GPR107: variants seen among roughly 807,000 people sequenced by gnomAD.
The protein encoded by GPR107 is G protein-coupled receptor 107.
A neutral mutation model predicts 75.5 loss-of-function variants in GPR107; 31 were observed. The observed-to-expected ratio is 0.41, with a 90% CI of 0.31 to 0.55. The LOEUF is 0.55. Among genes scored for constraint, GPR107 ranks in the 20% least tolerant of loss-of-function variants. The pLI is 0.26. For synonymous variants in GPR107, 267 were observed against 251.3 expected (o/e 1.06, Z -0.59); for missense variants, 572 against 665.7 (o/e 0.86, Z 1.55).
chr9:130,102,234 C>T (rs139498189), intron 12 of GPR107, among the ~76,000 whole-genome samples: 7 of 152,232 alleles, frequency 4.6e-5, no homozygotes, highest in African/African-American at 9.6e-5. Flanking sequence ...GGGACTGTGC[C>T]GGTCTTTCGG....
chr9:130,056,786 G>A (rs1471930890), intron 1 of GPR107, among the ~76,000 whole-genome samples: 2 of 151,632 alleles, frequency 1.3e-5, no homozygotes, highest in African/African-American at 2.4e-5. Flanking sequence ...TTAGCCAGGC[G>A]TGGTGGCAGG....
chr9:130,119,344 G>A (rs1027081107), intron 14 of GPR107, among the ~76,000 whole-genome samples: 5 of 152,276 alleles, frequency 3.3e-5, no homozygotes, highest in Middle Eastern at 3.4e-3. Flanking sequence ...GGTGGCAGCC[G>A]CTGTGACACA....
chr9:130,119,408 G>A (rs960349214), intron 14 of GPR107, among the ~76,000 whole-genome samples: 3 of 152,196 alleles, frequency 2.0e-5, no homozygotes, highest in Admixed American at 2.0e-4. Flanking sequence ...ACACTGTCAT[G>A]GCAAGTAGCC....
chr9:130,062,620 G>A (rs1173904357), intron 1 of GPR107, among the ~76,000 whole-genome samples: 1 of 58,626 alleles, frequency 1.7e-5, no homozygotes, highest in Admixed American at 2.0e-4. Context: ...CTGCCTGCCT[G>A]CCTTCCTGCC....
chr9:130,120,417 C>T (rs965814683), intron 14 of GPR107, among the ~76,000 whole-genome samples: 2 of 152,164 alleles, frequency 1.3e-5, no homozygotes, highest in East Asian at 3.9e-4. Context: ...CACCCCACCC[C>T]GGTCCTTACT....
chr9:130,098,663 A>C (rs893210526), intron 9 of GPR107, among the ~76,000 whole-genome samples: 4 of 152,126 alleles, frequency 2.6e-5, no homozygotes, highest in Non-Finnish European at 4.4e-5. Context: ...TGTGTATTAG[A>C]GATTACTTTA....
In GPR107 at chr9:130,131,821, C is replaced by T. The variant is rs372399741; in HGVS notation, c.1562+3060C>T. 2.8e-3 allele frequency among the ~76,000 whole-genome samples: 420 copies of T among 152,252 alleles called. 6 individuals are homozygous for T. The highest frequency in any genetic ancestry group is 9.7e-3 in the African/African-American group (402 of 41,528). On this transcript the variant is annotated intron_variant, in intron 17 of 17. Coordinates refer to ENST00000347136, the MANE Select transcript of GPR107 (RefSeq NM_020960.5). Reference sequence around the variant, plus strand: ...CCCCAGCCCCACCCCGCCTCTTGCTCTCGTGCCTGGGCTTTGTGGTGGCTG... The same window carrying T: ...CCCCAGCCCCACCCCGCCTCTTGCTTTCGTGCCTGGGCTTTGTGGTGGCTG...
intron 14 of GPR107, among the ~76,000 whole-genome samples, chr9:130,115,754 C>T (rs1337326056): frequency 7.8e-6 from 1 of 128,620 alleles, no homozygotes; most frequent in Non-Finnish European, 1.6e-5. Flanking sequence ...CAGAGCAAGA[C>T]TCCGTCTCAA....
intron 1 of GPR107, among the ~76,000 whole-genome samples, chr9:130,057,816 T>C (rs1020518844): frequency 6.8e-6 from 1 of 146,800 alleles, no homozygotes; most frequent in Non-Finnish European, 1.5e-5. Flanking sequence ...TCCTTGCCTT[T>C]TTATTTATTT....
intron 1 of GPR107, among the ~76,000 whole-genome samples, chr9:130,055,699 CTT>C (rs1829766995): frequency 6.6e-6 from 1 of 152,080 alleles, no homozygotes; most frequent in Non-Finnish European, 1.5e-5. Flanking sequence ...AATCCTAGCA[CTT>C]TGGGAGGCCG....
rs1348057025 is a variant in GPR107, at chr9:130,100,659, T to C, written c.970T>C (p.Phe324Leu). Residue 324 changes from phenylalanine (F) to leucine (L), a missense_variant, in exon 11 of 18, where the codon TTC becomes CTC. Transcript: ENST00000347136. The part of the protein sequence containing the change: ...IDYHYISSQG[F>L]PIEGWAVVYY... ...CTACCACTACATCTCCTCCCAGGGC[T>C]TCCCTATCGAAGGCTGGGCTGTTGT... is the stretch of plus-strand genomic sequence containing the variant. 1 of 1,613,360 alleles carries C rather than the reference T, an allele frequency of 6.2e-7. No individual in the cohort carries two copies. The highest frequency in any genetic ancestry group is 8.5e-7 in the Non-Finnish European group (1 of 1,179,226).
intron 4 of GPR107, among the ~76,000 whole-genome samples, chr9:130,078,042 G>A (rs1357198962): frequency 1.3e-5 from 2 of 152,046 alleles, no homozygotes; most frequent in African/African-American, 2.4e-5. Flanking sequence ...GTGGGCGCCT[G>A]TAGTCCCAGC....
Position 130,104,403 on chromosome 9 carries a change from A to C in GPR107, c.1132-17A>C, listed in dbSNP as rs777669040. 1 of 1,613,344 alleles carries C rather than the reference A, an allele frequency of 6.2e-7. No homozygotes were observed. The highest frequency in any genetic ancestry group is 1.1e-5 in the South Asian group (1 of 91,058). ...CCACCCATGCTTTGGGGCCTCAGCA[A>C]CTTCTCATGTCTGTAGGTCCTGGCA... is the stretch of plus-strand genomic sequence containing the variant. On this transcript the variant is annotated splice_polypyrimidine_tract_variant and intron_variant, in intron 12 of 17. Coordinates refer to ENST00000347136, the MANE Select transcript of GPR107 (RefSeq NM_020960.5).
intron 1 of GPR107, among the ~76,000 whole-genome samples, chr9:130,073,035 C>T (rs751904149): frequency 2.0e-5 from 3 of 152,194 alleles, no homozygotes; most frequent in Non-Finnish European, 2.9e-5. Flanking sequence ...TCCAGAAGCA[C>T]CCTAAGCCTC....
intron 15 of GPR107, 93 bp downstream of exon 15, chr9:130,125,057 G>T: frequency 2.1e-6 from 1 of 484,762 alleles, no homozygotes; most frequent in East Asian, 4.4e-5. Context: ...GAAAGCACAA[G>T]ATGTGCCACC....
At chr9:130,065,600 T>C (rs1046122826) in intron 1 of GPR107, among the ~76,000 whole-genome samples, 3 of 151,180 alleles carry the variant, frequency 2.0e-5, no homozygotes, top group African/African-American at 4.9e-5. Flanking sequence ...ACCCCATCTC[T>C]ACCAAAAAAT....
chr9:130,139,258 C>T lies in GPR107; in HGVS notation c.*4137C>T, dbSNP rs1832035378. The stretch of plus-strand genomic sequence containing the variant: ...TTGGTATATCAAAAAGATATTCATC[C>T]AGAAAGTACCAAATGTTCTGAAAGA... On this transcript the variant is annotated 3_prime_UTR_variant, in exon 18 of 18. Coordinates refer to ENST00000347136, the MANE Select transcript of GPR107 (RefSeq NM_020960.5). 1 of 152,176 alleles carries T rather than the reference C, an allele frequency of 6.6e-6. No homozygotes were observed. Among genetic ancestry groups the T allele is most frequent in the African/African-American group, 2.4e-5 (1 of 41,412 alleles). 9.4% of individuals were successfully genotyped at this position (152,176 alleles called of 1,614,324 possible).
rs1280066647 is a variant in GPR107 at position 130,138,338 on chromosome 9, C to T, written c.*3217C>T. The T allele has an allele frequency of 5.9e-5, 9 of 152,258 alleles. No individual in the cohort carries two copies. The highest frequency in any genetic ancestry group is 2.2e-4 in the African/African-American group (9 of 41,420). The allele number at this position is 152,258 out of a possible 1,614,324, so 9.4% of individuals were successfully genotyped here. On this transcript the variant is annotated 3_prime_UTR_variant, in exon 18 of 18. Coordinates refer to ENST00000347136, the MANE Select transcript of GPR107 (RefSeq NM_020960.5). ...AGCACACAGCCCTGTAAGTCCACCT[C>T]GTGTGGGTGAGATTTCCTCCTGCGT...
At chr9:130,113,112 T>C (rs7026592) in intron 14 of GPR107, among the ~76,000 whole-genome samples, 98,803 of 152,072 alleles carry the variant, frequency 0.65, 32,144 homozygotes, top group East Asian at 0.82. Context: ...GTGGTGGACA[T>C]TTTCTTGAAA....
Sources: gnomAD v4.1 joint callset for allele counts (sites outside exome capture counted in the v4.1 genomes callset) on GRCh38, gnomAD v4.1.1 for gene constraint, MANE v1.5 for transcripts, NCBI Gene and HGNC (gene_info 2026-07-23, HGNC 2026-07-21) for gene names.